BNC2: variants seen among roughly 807,000 people sequenced by gnomAD.
BNC2 encodes zinc finger protein basonuclin-2.
Under a neutral mutation model 76.3 loss-of-function variants are expected in BNC2, and 20 were observed. That is an observed-to-expected ratio of 0.26 (90% confidence interval 0.18 to 0.38). The LOEUF (loss-of-function observed/expected upper bound fraction) is 0.38, where lower values mean the gene tolerates loss of function less well. Ranked by LOEUF, BNC2 falls within the 10% of genes least tolerant of loss-of-function variation. The pLI, the probability that BNC2 is intolerant of heterozygous loss-of-function variation, is 1.00. For missense variants in BNC2, 1,382 were observed against 1,399.8 expected, an observed-to-expected ratio of 0.99 and a Z score of 0.20; for synonymous variants, 582 against 514.8, an observed-to-expected ratio of 1.13 and a Z score of -1.77.
rs555407205 is a variant in BNC2 at position 16,861,992 on chromosome 9, A to T, written c.3+8654T>A. Among the ~76,000 whole-genome samples, 5 of 149,542 alleles carry T rather than the reference A, an allele frequency of 3.3e-5. No homozygotes were observed. The South Asian group carries it at 1.1e-3, about 32-fold the overall frequency. On this transcript the variant is annotated intron_variant, in intron 1 of 6. Coordinates refer to ENST00000380672, the MANE Select transcript of BNC2 (RefSeq NM_017637.6). Reference sequence around the variant, plus strand: ...CGACAGAGCGAGACTCCATCTCAAAAGACAAAAAAAAAAAAGACACATAAC... The same window carrying T: ...CGACAGAGCGAGACTCCATCTCAAATGACAAAAAAAAAAAAGACACATAAC...
intron 4 of BNC2, among the ~76,000 whole-genome samples, chr9:16,573,933 GTTATCTTTGAAATACTGTAC>G (rs1819408311): frequency 6.6e-6 from 1 of 152,202 alleles, no homozygotes; most frequent in Non-Finnish European, 1.5e-5. Context: ...ACAATTCAGA[GTTATCTTTGAAATACTGTAC>G]TTATCCAGCA....
intron 1 of BNC2, among the ~76,000 whole-genome samples, chr9:16,751,662 G>GTGTGTATATA (rs1563926963): frequency 0.036 from 3,007 of 83,090 alleles, 167 homozygotes; most frequent in African/African-American, 0.083. Flanking sequence ...ATATATATAT[G>GTGTGTATATA]TATGTATGTG....
chr9:16,525,076 AGG>A (rs71325975), intron 5 of BNC2, among the ~76,000 whole-genome samples: 3 of 133,684 alleles, frequency 2.2e-5, no homozygotes, highest in Admixed American at 7.6e-5. Context: ...GGAGTGGGGG[AGG>A]GGGGGGGAAG....
At chr9:16,475,542 T>C (rs887624884) in intron 5 of BNC2, among the ~76,000 whole-genome samples, 2 of 152,248 alleles carry the variant, frequency 1.3e-5, no homozygotes, top group African/African-American at 4.8e-5. Context: ...TGTTCTGCTC[T>C]ATTCAGAGCT....
chr9:16,773,149 C>G (rs1020613588), intron 1 of BNC2, among the ~76,000 whole-genome samples: 14 of 152,070 alleles, frequency 9.2e-5, no homozygotes, highest in Admixed American at 5.9e-4. Flanking sequence ...ACACTCTTGC[C>G]CAGACAGACG....
intron 5 of BNC2, among the ~76,000 whole-genome samples, chr9:16,469,566 A>C (rs559961634): frequency 1.3e-5 from 2 of 152,324 alleles, no homozygotes; most frequent in South Asian, 4.2e-4. Flanking sequence ...GCAACATGAA[A>C]ACAAACTAAT....
intron 5 of BNC2, among the ~76,000 whole-genome samples, chr9:16,523,454 T>C (rs1435820142): frequency 1.6e-5 from 2 of 124,084 alleles, no homozygotes; most frequent in South Asian, 2.5e-4. Context: ...CTGGACGAAA[T>C]AGCAAGACCC....
intron 3 of BNC2, chr9:16,726,818 C>G (rs565432739): frequency 1.1e-4 from 16 of 152,232 alleles, no homozygotes; most frequent in Non-Finnish European, 2.1e-4. Context: ...CCCTCCCTCA[C>G]TTGAGCACAA....
At chr9:16,508,225 A>C (rs1822674451) in intron 5 of BNC2, among the ~76,000 whole-genome samples, 1 of 152,232 alleles carries the variant, frequency 6.6e-6, no homozygotes, top group South Asian at 2.1e-4. Flanking sequence ...AGACTTACTT[A>C]TTCTGCTCCA....
chr9:16,727,749 G>T (rs1177628196), intron 3 of BNC2, 48 bp downstream of exon 3: 2 of 1,515,634 alleles, frequency 1.3e-6, no homozygotes, highest in South Asian at 2.4e-5. Flanking sequence ...AACAATTCAA[G>T]GTTTCTTAAA....
At chr9:16,565,114 C>T (rs1819132269) in intron 4 of BNC2, among the ~76,000 whole-genome samples, 1 of 152,092 alleles carries the variant, frequency 6.6e-6, no homozygotes, top group South Asian at 2.1e-4. Context: ...GATTTGGTCT[C>T]TCTCTGTTCT....
chr9:16,529,190 T>A (rs560294237), intron 5 of BNC2, among the ~76,000 whole-genome samples: 1 of 152,166 alleles, frequency 6.6e-6, no homozygotes, highest in Non-Finnish European at 1.5e-5. Context: ...CTTAATCACA[T>A]CTGCAAAAAC....
At chr9:16,552,394 C>A (rs1021014960) in intron 5 of BNC2, 136 bp downstream of exon 5, 99 of 763,144 alleles carry the variant, frequency 1.3e-4, no homozygotes, top group Admixed American at 2.2e-4. Context: ...TTCCCCTTCC[C>A]TGACAAGCCT....
In BNC2 at chr9:16,721,172, G is replaced by C. The variant is rs1170792433; in HGVS notation, c.330+6625C>G. On this transcript the variant is annotated intron_variant, in intron 3 of 6. Transcript: ENST00000380672. ...CATCTGCACATTTTAAAACTTCTTA[G>C]ACCTTGAGCTGCTTAGCAGATTTTT... Among the ~76,000 whole-genome samples the C allele has an allele frequency of 3.3e-5, 5 of 152,172 alleles. No individual in the cohort carries two copies. In the East Asian group the frequency reaches 7.7e-4, roughly 24 times the overall value.
chr9:16,695,535 CTT>C (rs35589107), intron 3 of BNC2, among the ~76,000 whole-genome samples: 3,347 of 126,960 alleles, frequency 0.026, 41 homozygotes, highest in African/African-American at 0.056. Context: ...CTTTTTCTTT[CTT>C]TTTTTTTTTT....
chr9:16,471,439 A>C (rs113065502), intron 5 of BNC2, among the ~76,000 whole-genome samples: 9,706 of 151,960 alleles, frequency 0.064, 998 homozygotes, highest in African/African-American at 0.22. Context: ...GACTACAGGC[A>C]TGCACCACCA....
intron 5 of BNC2, among the ~76,000 whole-genome samples, chr9:16,511,420 C>CTTT (rs758039548): frequency 1.6e-3 from 114 of 69,464 alleles, no homozygotes; most frequent in African/African-American, 2.1e-3. Flanking sequence ...AATAAATTTA[C>CTTT]TTTTTTTTTT....
chr9:16,715,198 ATCTT>A (rs1204645727), intron 3 of BNC2, among the ~76,000 whole-genome samples: 1 of 152,258 alleles, frequency 6.6e-6, no homozygotes, highest in Non-Finnish European at 1.5e-5. Context: ...GAATTCAGAA[ATCTT>A]TTATTATTTT....
chr9:16,544,174 G>A (rs1335317656), intron 5 of BNC2, among the ~76,000 whole-genome samples: 2 of 152,026 alleles, frequency 1.3e-5, no homozygotes, highest in Admixed American at 6.6e-5. Flanking sequence ...TTTGTTTAGA[G>A]CTCACCGATT....
Sources: gnomAD v4.1 joint callset for allele counts (sites outside exome capture counted in the v4.1 genomes callset) on GRCh38, gnomAD v4.1.1 for gene constraint, MANE v1.5 for transcripts, NCBI Gene and HGNC (gene_info 2026-07-23, HGNC 2026-07-21) for gene names.